The following TMPO variants were observed in gnomAD, a reference collection of about 807,000 sequenced individuals.
TMPO encodes LEM domain containing 4.
A neutral mutation model predicts 45.4 loss-of-function variants in TMPO; 22 were observed. That is an observed-to-expected ratio of 0.48 (90% CI 0.35 to 0.69). The LOEUF is 0.69. Among genes scored for constraint, TMPO ranks in the 30% least tolerant of loss-of-function variants. The pLI is 0.01. For synonymous variants in TMPO, 241 were observed against 204.1 expected (o/e 1.18, Z -1.54); for missense variants, 512 against 548.8 (o/e 0.93, Z 0.67).
chr12:98,539,469 TA>T (rs1366720724), intron 4 of TMPO, among the ~76,000 whole-genome samples: 1 of 133,854 alleles, frequency 7.5e-6, no homozygotes, highest in Non-Finnish European at 1.6e-5. Context: ...CTTTTTAAAT[TA>T]CTTTTTTTTT....
chr12:98,541,535 G>A (rs1349627255), intron 4 of TMPO, among the ~76,000 whole-genome samples: 1 of 152,054 alleles, frequency 6.6e-6, no homozygotes, highest in Non-Finnish European at 1.5e-5. Context: ...AATGCAATTT[G>A]GGCTTTTGTT....
In TMPO at chr12:98,518,452, CCCGGCTAATT is replaced by C. The variant is rs1876061664; in HGVS notation, c.279+2307_279+2316del. On this transcript the variant is annotated intron_variant, in intron 1 of 8. Coordinates refer to ENST00000556029, the MANE Select transcript of TMPO (RefSeq NM_001032283.3). ...GGGCAACGGGGCATGCACCGCTACA[CCCGGCTAATT>C]TTCTAATCTTTTTTTTTTTTTTTTT... Among the ~76,000 whole-genome samples, 3 of 145,320 alleles carry C rather than the reference CCCGGCTAATT, an allele frequency of 2.1e-5. No individual in the cohort carries two copies. In the South Asian group the frequency reaches 6.6e-4, roughly 32 times the overall value.
At chr12:98,535,909 G>T (rs1408756899) in intron 3 of TMPO, among the ~76,000 whole-genome samples, 2 of 151,804 alleles carry the variant, frequency 1.3e-5, no homozygotes, top group African/African-American at 2.4e-5. Flanking sequence ...ACTACTAATG[G>T]TTTTTTTTAC....
intron 1 of TMPO, among the ~76,000 whole-genome samples, chr12:98,520,459 A>C (rs1876255612): frequency 6.6e-6 from 1 of 151,558 alleles, no homozygotes. Flanking sequence ...GGCACACACC[A>C]CTACTCCTGG....
At chr12:98,524,206 A>G (rs984894572) in intron 1 of TMPO, among the ~76,000 whole-genome samples, 3 of 152,218 alleles carry the variant, frequency 2.0e-5, no homozygotes, top group Non-Finnish European at 4.4e-5. Flanking sequence ...GGGCTACACA[A>G]TTACAAACAG....
chr12:98,532,994 C>T, intron 3 of TMPO: 1 of 1,614,080 alleles, frequency 6.2e-7, no homozygotes, highest in African/African-American at 1.3e-5. Flanking sequence ...AAAGTACATA[C>T]TTCTAAGGGA....
At chr12:98,547,443 G>A (rs1236162637) in intron 8 of TMPO, 130 bp from the exon 9 acceptor site, 1 of 1,072,404 alleles carries the variant, frequency 9.3e-7, no homozygotes, top group Admixed American at 2.2e-5. Context: ...TGCTTTATAT[G>A]TATCAATTTT....
chr12:98,531,402 A>C (rs566771667), intron 2 of TMPO, among the ~76,000 whole-genome samples: 1 of 151,698 alleles, frequency 6.6e-6, no homozygotes, highest in Admixed American at 6.6e-5. Context: ...ATGCCCGGCT[A>C]ATTTTTGTAT....
At chr12:98,526,028 C>T (rs1467943158) in intron 1 of TMPO, among the ~76,000 whole-genome samples, 3 of 152,090 alleles carry the variant, frequency 2.0e-5, no homozygotes, top group South Asian at 2.1e-4. Flanking sequence ...AAAAGGTATC[C>T]GTACTTTTGC....
chr12:98,529,357 T>C (rs1161941351), intron 2 of TMPO, among the ~76,000 whole-genome samples: 2 of 152,070 alleles, frequency 1.3e-5, no homozygotes, highest in African/African-American at 4.8e-5. Context: ...GCTGAGCCCC[T>C]TTTTCATTTA....
At chr12:98,519,739 G>A (rs937504243) in intron 1 of TMPO, among the ~76,000 whole-genome samples, 1 of 152,064 alleles carries the variant, frequency 6.6e-6, no homozygotes, top group Admixed American at 6.5e-5. Flanking sequence ...TTTAAAGTAC[G>A]TTAAGTACAA....
In TMPO at chr12:98,515,850, G is replaced by T. The variant is rs1245011968; in HGVS notation, c.-18G>T. On this transcript the variant is annotated 5_prime_UTR_variant, in exon 1 of 9. Coordinates refer to ENST00000556029, the MANE Select transcript of TMPO (RefSeq NM_001032283.3). ...CGGCGGCAAAGGCTGTGGGGAGGGG[G>T]CTTCGCAGATCCCCGAGATGCCGGA... 3.7e-6 allele frequency: 6 copies of T among 1,606,624 alleles called. No homozygotes were observed. Among genetic ancestry groups the T allele is most frequent in the Non-Finnish European group, 5.1e-6 (6 of 1,176,838 alleles).
rs1565809689 is a variant in TMPO at position 98,530,838 on chromosome 12, CA to C, written c.407-840del. Among the ~76,000 whole-genome samples the C allele has an allele frequency of 2.6e-5, 4 of 152,182 alleles. No individual in the cohort carries two copies. The South Asian group carries it at 6.2e-4, about 24-fold the overall frequency. ...TACGTAGTAGTAGAGAAAATAAATG[CA>C]AGACTTCAGTCAAAAATAGTCATAC... On this transcript the variant is annotated intron_variant, in intron 2 of 8. Transcript: ENST00000556029.
chr12:98,518,004 G>GA (rs888386164), intron 1 of TMPO, among the ~76,000 whole-genome samples: 4 of 151,786 alleles, frequency 2.6e-5, no homozygotes, highest in Non-Finnish European at 5.9e-5. Context: ...TTCTACTAAA[G>GA]AAAAAAAATA....
chr12:98,524,356 G>A (rs566479315), intron 1 of TMPO, among the ~76,000 whole-genome samples: 4 of 152,104 alleles, frequency 2.6e-5, no homozygotes, highest in African/African-American at 7.2e-5. Flanking sequence ...GGCAAATCAC[G>A]AGCTCAGGAG....
At chr12:98,537,430 A>T (rs770971733) in intron 3 of TMPO, 45 bp from the exon 4 acceptor site, 3 of 1,455,672 alleles carry the variant, frequency 2.1e-6, no homozygotes, top group African/African-American at 2.8e-5. Context: ...ATCATCATTT[A>T]TTGAGTGTTT....
At chr12:98,515,582 G>C, upstream of TMPO, 1 of 486,776 alleles carries the variant, frequency 2.1e-6, no homozygotes, top group Non-Finnish European at 3.6e-6. Flanking sequence ...CGTTCTTGGG[G>C]CGTGGGCGAA....
intron 2 of TMPO, among the ~76,000 whole-genome samples, chr12:98,530,103 C>T (rs1349702844): frequency 4.0e-5 from 6 of 151,734 alleles, no homozygotes; most frequent in Non-Finnish European, 7.4e-5. Context: ...TTTGGGAGGC[C>T]AAGGTGGTGG....
Position 98,531,755 on chromosome 12 carries a change from C to T in TMPO, c.482C>T (p.Pro161Leu), listed in dbSNP as rs1877210566. 1.2e-6 allele frequency: 2 copies of T among 1,613,718 alleles called. No homozygotes were observed. The highest frequency in any genetic ancestry group is 1.7e-6 in the Non-Finnish European group (2 of 1,179,842). ...GGAACAGAATCAAGATCTTCTACTC[C>T]TCTGCCAACAATTTCTTCTTCAGCA... ...EQGTESRSSTPLPTISSSAEN... is the reference protein window; with the variant it reads ...EQGTESRSSTLLPTISSSAEN... The change falls in exon 3 of 9, where the codon CCT (proline) becomes CTT (leucine). Residue 161 changes from proline (P) to leucine (L), a missense_variant. By Grantham distance (98) the Pro-to-Leu change is moderately conservative. Coordinates refer to ENST00000556029, the MANE Select transcript of TMPO (RefSeq NM_001032283.3).
Sources: allele counts gnomAD v4.1 joint callset (sites outside exome capture counted in the v4.1 genomes callset), GRCh38; gene constraint gnomAD v4.1.1; transcripts MANE v1.5; gene names NCBI Gene and HGNC (gene_info 2026-07-23, HGNC 2026-07-21).